Variants in COL4A5 observed in about 807,000 individuals in gnomAD.
The protein encoded by COL4A5 is collagen alpha-5(IV) chain.
COL4A5 carries 26 observed loss-of-function variants against 130.2 expected under a neutral mutation model. That is an observed-to-expected ratio of 0.20 (90% confidence interval 0.15 to 0.28). The LOEUF (loss-of-function observed/expected upper bound fraction) is 0.28. COL4A5 is among the 10% of genes least tolerant of loss of function. The pLI, the probability that COL4A5 is intolerant of heterozygous loss-of-function variation, is 1.00. For missense variants in COL4A5, 1,131 were observed against 1,344.3 expected (o/e 0.84, Z 2.48); for synonymous variants, 496 against 439.6 (o/e 1.13, Z -1.60).
intron 36 of COL4A5, among the ~76,000 whole-genome samples, chrX:108,647,526 A>G (rs943489888): frequency 2.7e-5 from 3 of 111,474 alleles, no homozygotes; most frequent in Non-Finnish European, 5.6e-5. Context: ...GTCATCTGCA[A>G]ATAGGGACAA....
rs1213819217 is a variant in COL4A5, at chrX:108,680,695, C to T, written c.3959C>T (p.Pro1320Leu). The T allele has an allele frequency of 2.5e-5, 30 of 1,207,502 alleles. 1 individual carries two copies. The highest frequency in any genetic ancestry group is 4.4e-5 in the Admixed American group (2 of 45,515). ...PPGLQGNPGR[P>L]GLNGMKGDPG... ...TTTATTCAGGGTAATCCTGGCCGGC[C>T]GGGTCTCAATGGAATGAAAGGAGAT... Residue 1320 changes from proline (P) to leucine (L), a missense_variant, in exon 45 of 53, where the codon CCG becomes CTG. Physicochemically the swap from Pro to Leu is moderately conservative, Grantham distance 98. Transcript: ENST00000328300.
chrX:108,467,527 C>T (rs775609608), intron 1 of COL4A5, among the ~76,000 whole-genome samples: 19 of 111,806 alleles, frequency 1.7e-4, no homozygotes, highest in African/African-American at 6.2e-4. Context: ...TTTACTATTA[C>T]TCTTTCTGCA....
intron 1 of COL4A5, among the ~76,000 whole-genome samples, chrX:108,538,664 T>C (rs2147654083): frequency 8.9e-6 from 1 of 111,821 alleles, no homozygotes; most frequent in African/African-American, 3.2e-5. Context: ...TGGGCATTAT[T>C]TGGTATTTAT....
intron 1 of COL4A5, among the ~76,000 whole-genome samples, chrX:108,463,622 C>T (rs996064859): frequency 9.0e-6 from 1 of 111,716 alleles, no homozygotes; most frequent in South Asian, 3.8e-4. Flanking sequence ...TTAGGCCTGT[C>T]GTGCCCATCC....
At chrX:108,548,232 T>C (rs1238017277) in intron 2 of COL4A5, among the ~76,000 whole-genome samples, 1 of 112,172 alleles carries the variant, frequency 8.9e-6, no homozygotes, top group Non-Finnish European at 1.9e-5. Context: ...GGGCTGTTCC[T>C]ATTCAGCCAT....
chrX:108,588,703 C>T (rs1484181585), intron 19 of COL4A5, among the ~76,000 whole-genome samples: 3 of 110,872 alleles, frequency 2.7e-5, no homozygotes, highest in African/African-American at 9.8e-5. Flanking sequence ...ATGCAAAGGT[C>T]CATAACTAGA....
At chrX:108,496,178 T>G (rs1191328239) in intron 1 of COL4A5, among the ~76,000 whole-genome samples, 1 of 112,461 alleles carries the variant, frequency 8.9e-6, no homozygotes, top group African/African-American at 3.2e-5. Flanking sequence ...GAGACATTTC[T>G]TCTAATGTAT....
In COL4A5 at chrX:108,697,525, A is replaced by G. The variant is rs1280288276; in HGVS notation, c.*1147A>G. The stretch of plus-strand genomic sequence containing the variant: ...TAAACCCACCAATATAAATTTAATT[A>G]AAGATATATGTTGTAAGGATGGTCT... On this transcript the variant is annotated 3_prime_UTR_variant, in exon 53 of 53. Coordinates refer to ENST00000328300, the MANE Select transcript of COL4A5 (RefSeq NM_033380.3). The G allele has an allele frequency of 9.0e-6, 1 of 111,244 alleles. No homozygotes were observed. 9.2% of individuals were successfully genotyped at this position (111,244 alleles called of 1,213,427 possible).
At chrX:108,618,973 T>A (rs192933055) in intron 30 of COL4A5, among the ~76,000 whole-genome samples, 1 of 111,476 alleles carries the variant, frequency 9.0e-6, no homozygotes, top group Non-Finnish European at 1.9e-5. Context: ...ATTATTTATA[T>A]TGAAAACCCA....
chrX:108,583,237 T>C, intron 17 of COL4A5, among the ~76,000 whole-genome samples: 1 of 112,030 alleles, frequency 8.9e-6, no homozygotes, highest in East Asian at 2.8e-4. Flanking sequence ...ACTTCTTTTT[T>C]TCCACAAAGA....
intron 36 of COL4A5, among the ~76,000 whole-genome samples, chrX:108,651,685 C>T (rs28578172): frequency 0.25 from 27,437 of 110,864 alleles, 2,818 homozygotes; most frequent in East Asian, 0.57. Context: ...TGCTATTATG[C>T]CTATCTTGCA....
chrX:108,629,305 G>C (rs999886074), intron 36 of COL4A5, among the ~76,000 whole-genome samples: 2 of 111,509 alleles, frequency 1.8e-5, no homozygotes, highest in South Asian at 7.4e-4. Context: ...TAACATGATT[G>C]TACATTAATT....
chrX:108,541,343 AG>A (rs1380049515), intron 2 of COL4A5, among the ~76,000 whole-genome samples: 1 of 112,368 alleles, frequency 8.9e-6, no homozygotes, highest in Non-Finnish European at 1.9e-5. Context: ...TTTTGAGATA[AG>A]AATGGAATAC....
chrX:108,461,339 T>C (rs937385709), intron 1 of COL4A5, among the ~76,000 whole-genome samples: 7 of 111,680 alleles, frequency 6.3e-5, no homozygotes, highest in Non-Finnish European at 1.3e-4. Context: ...ATGGTTAATG[T>C]TATAATTTGA....
chrX:108,633,520 T>C (rs1161337663), intron 36 of COL4A5, among the ~76,000 whole-genome samples: 2 of 111,603 alleles, frequency 1.8e-5, no homozygotes, highest in African/African-American at 6.5e-5. Context: ...TTTTCCAAAT[T>C]TGTTCATGAA....
At chrX:108,670,915 G>A (rs113442746) in intron 42 of COL4A5, among the ~76,000 whole-genome samples, 136 of 110,940 alleles carry the variant, frequency 1.2e-3, no homozygotes, top group African/African-American at 3.9e-3. Context: ...GTTGGTGTGC[G>A]CCTGTAGTCC....
intron 27 of COL4A5, 72 bp from the exon 28 acceptor site, chrX:108,602,892 G>A: frequency 2.7e-6 from 2 of 739,104 alleles, no homozygotes; most frequent in Non-Finnish European, 4.1e-6. Context: ...TAGAATGTGG[G>A]TTTGGGAATT....
At chrX:108,688,169 A>C in intron 49 of COL4A5, among the ~76,000 whole-genome samples, 1 of 112,144 alleles carries the variant, frequency 8.9e-6, no homozygotes, top group East Asian at 2.8e-4. Flanking sequence ...GTAGTTCCTA[A>C]AATAAGTGCC....
rs186055248 is a variant in COL4A5 at position 108,659,958 on chromosome X, T to C, written c.3373+4501T>C. Among the ~76,000 whole-genome samples, 543 of 111,171 alleles carry C rather than the reference T, an allele frequency of 4.9e-3. 3 individuals carry two copies. Among genetic ancestry groups the C allele is most frequent in the Non-Finnish European group, 8.0e-3 (424 of 52,738 alleles). On this transcript the variant is annotated intron_variant, in intron 37 of 52. Coordinates refer to ENST00000328300, the MANE Select transcript of COL4A5 (RefSeq NM_033380.3). ...TGCTCCTCCTTTGTCCCTGGTTTCCTGTTCTGTTTGGGTTCATCAGATATG... is the reference window on the plus strand; with the variant it reads ...TGCTCCTCCTTTGTCCCTGGTTTCCCGTTCTGTTTGGGTTCATCAGATATG...
Sources: gnomAD v4.1 joint callset for allele counts (sites outside exome capture counted in the v4.1 genomes callset) on GRCh38, gnomAD v4.1.1 for gene constraint, MANE v1.5 for transcripts, NCBI Gene and HGNC (gene_info 2026-07-23, HGNC 2026-07-21) for gene names.